CRIM1: variants seen among roughly 807,000 people sequenced by gnomAD.
CRIM1 encodes the protein cysteine-rich motor neuron 1 protein.
In CRIM1, 32 loss-of-function variants were observed where a neutral mutation model predicts 116.4. That is an observed-to-expected ratio of 0.27 (90% CI 0.21 to 0.37). The LOEUF is 0.37. Among genes scored for constraint, CRIM1 ranks in the 10% least tolerant of loss-of-function variants. The probability of loss-of-function intolerance (pLI) is 1.00; values close to 1 mark genes in which losing one functional copy is unlikely to be tolerated. For missense variants in CRIM1, 1,331 were observed against 1,354.8 expected, an observed-to-expected ratio of 0.98 and a Z score of 0.28; for synonymous variants, 590 against 509.2, an observed-to-expected ratio of 1.16 and a Z score of -2.13.
At chr2:36,476,238 T>G (rs1678965008) in intron 5 of CRIM1, among the ~76,000 whole-genome samples, 1 of 152,182 alleles carries the variant, frequency 6.6e-6, no homozygotes, top group Non-Finnish European at 1.5e-5. Context: ...AGCTACTGTT[T>G]TGGCTTCTGT....
At chr2:36,544,327 C>T (rs1293364345) in intron 14 of CRIM1, 49 bp from the exon 15 acceptor site, 1 of 1,315,274 alleles carries the variant, frequency 7.6e-7, no homozygotes, top group East Asian at 2.8e-5. Context: ...CAAAAGCCAA[C>T]AATACAGCAG....
intron 2 of CRIM1, among the ~76,000 whole-genome samples, chr2:36,413,692 T>C (rs903850389): frequency 6.6e-6 from 1 of 152,240 alleles, no homozygotes; most frequent in Non-Finnish European, 1.5e-5. Context: ...TTTGAGCTCA[T>C]TGGCTTAGTC....
At chr2:36,390,660 A>G (rs980584729) in intron 1 of CRIM1, among the ~76,000 whole-genome samples, 2 of 151,974 alleles carry the variant, frequency 1.3e-5, no homozygotes, top group African/African-American at 2.4e-5. Context: ...CAGTTTCCCC[A>G]GATAGTTTAA....
At position 36,544,483 on chromosome 2, in the gene CRIM1, G is replaced by A. The variant is rs745498198; in HGVS notation, c.2731G>A (p.Val911Ile). The change falls in exon 15 of 17, where the codon GTC (valine) becomes ATC (isoleucine). Residue 911 changes from valine (V) to isoleucine (I), a missense_variant. Val to Ile is a conservative substitution (Grantham distance 29, BLOSUM62 3). Transcript: ENST00000280527. ...GCCCACGCCTAGTGAAAATGATATC[G>A]TCCATCTCCCTAGAGGTAAGCATTG... ...LWPTPSENDI[V>I]HLPRDMGHLQ... 11 of 1,375,562 alleles carry A rather than the reference G, an allele frequency of 8.0e-6. No individual in the cohort carries two copies. Among genetic ancestry groups the A allele is most frequent in the East Asian group, 2.7e-5 (1 of 36,632 alleles). 85.2% of individuals were successfully genotyped at this position (1,375,562 alleles called of 1,614,324 possible). A position where few individuals can be genotyped will look rare whatever the true frequency, so the allele number is the denominator to read the frequency against.
At chr2:36,399,708 G>C (rs559546073) in intron 2 of CRIM1, among the ~76,000 whole-genome samples, 18 of 152,290 alleles carry the variant, frequency 1.2e-4, no homozygotes, top group African/African-American at 4.1e-4. Context: ...TAGTAAGAAG[G>C]AAAAGCCAAT....
chr2:36,451,065 G>T (rs576326457), intron 4 of CRIM1, among the ~76,000 whole-genome samples: 1 of 152,294 alleles, frequency 6.6e-6, no homozygotes, highest in South Asian at 2.1e-4. Flanking sequence ...TAGCTACAGT[G>T]AGTGAAAACA....
At chr2:36,430,931 T>A (rs1160958944) in intron 2 of CRIM1, among the ~76,000 whole-genome samples, 3 of 152,226 alleles carry the variant, frequency 2.0e-5, no homozygotes, top group Non-Finnish European at 4.4e-5. Flanking sequence ...GAGAACAGTC[T>A]CCAGGAGAAA....
chr2:36,537,784 C>T (rs1382719813), intron 14 of CRIM1, among the ~76,000 whole-genome samples: 1 of 152,206 alleles, frequency 6.6e-6, no homozygotes, highest in East Asian at 1.9e-4. Flanking sequence ...TTCTCATTTG[C>T]ATTCTCTAAA....
At chr2:36,439,715 C>T (rs1247459885) in intron 2 of CRIM1, among the ~76,000 whole-genome samples, 1 of 152,188 alleles carries the variant, frequency 6.6e-6, no homozygotes, top group Non-Finnish European at 1.5e-5. Context: ...CATCCATTCT[C>T]ACCACATTGT....
At chr2:36,414,732 G>C (rs890731468) in intron 2 of CRIM1, among the ~76,000 whole-genome samples, 1 of 152,210 alleles carries the variant, frequency 6.6e-6, no homozygotes, top group African/African-American at 2.4e-5. Context: ...ATGGGAGAAA[G>C]AGTTTTGTGT....
At chr2:36,397,175 G>C (rs1340372360) in intron 2 of CRIM1, among the ~76,000 whole-genome samples, 1 of 152,166 alleles carries the variant, frequency 6.6e-6, no homozygotes, top group African/African-American at 2.4e-5. Flanking sequence ...GCATGAAAGA[G>C]TTATCTCTTT....
intron 14 of CRIM1, among the ~76,000 whole-genome samples, chr2:36,542,995 G>A (rs1401541823): frequency 6.6e-6 from 1 of 152,176 alleles, no homozygotes; most frequent in East Asian, 1.9e-4. Flanking sequence ...AAATGGTAAT[G>A]TTTTCAGTAA....
intron 2 of CRIM1, among the ~76,000 whole-genome samples, chr2:36,419,156 A>T (rs1224032470): frequency 6.6e-6 from 1 of 152,234 alleles, no homozygotes; most frequent in Non-Finnish European, 1.5e-5. Context: ...CCTATTCAAG[A>T]GGGAGGTGTC....
rs556281219 is a variant in CRIM1 at position 36,487,724 on chromosome 2, A to C, written c.1372+8030A>C. On this transcript the variant is annotated intron_variant, in intron 7 of 16. Transcript: ENST00000280527. Reference sequence around the variant, plus strand: ...ATTTTAACATGAACAGCATTTTGGCATAAGAATATAGCCTCTAAAAGTGAG... The same window carrying C: ...ATTTTAACATGAACAGCATTTTGGCCTAAGAATATAGCCTCTAAAAGTGAG... Among the ~76,000 whole-genome samples, 49 of 152,322 alleles carry C rather than the reference A, an allele frequency of 3.2e-4. 1 individual carries two copies. In the South Asian group the frequency reaches 0.01, roughly 32 times the overall value.
rs1667693360 is a variant in CRIM1, at chr2:36,550,517, C to G, written c.*1816C>G. 6.6e-6 allele frequency: 1 copy of G among 152,304 alleles called. No homozygotes were observed. Among genetic ancestry groups the G allele is most frequent in the Non-Finnish European group, 1.5e-5 (1 of 67,984 alleles). The allele number at this position is 152,304 out of a possible 1,614,324, so 9.4% of individuals were successfully genotyped here. On this transcript the variant is annotated 3_prime_UTR_variant, in exon 17 of 17. Transcript: ENST00000280527. ...GAACTTTCAAGTATTGTTGTAAATA[C>G]TTGGACAGAGGTTGCTGAACTTTAA... is the stretch of plus-strand genomic sequence containing the variant.
At chr2:36,436,139 A>G (rs1349062986) in intron 2 of CRIM1, among the ~76,000 whole-genome samples, 1 of 152,164 alleles carries the variant, frequency 6.6e-6, no homozygotes, top group Non-Finnish European at 1.5e-5. Flanking sequence ...TGGAAAAAAC[A>G]TAGAATAGAG....
chr2:36,461,133 G>C (rs978131437), intron 4 of CRIM1, among the ~76,000 whole-genome samples: 71 of 152,182 alleles, frequency 4.7e-4, no homozygotes, highest in African/African-American at 1.7e-3. Context: ...TTTGACTGCA[G>C]AAGTTTGGGA....
intron 2 of CRIM1, among the ~76,000 whole-genome samples, chr2:36,400,218 T>C (rs1167913931): frequency 1.3e-5 from 2 of 152,076 alleles, no homozygotes; most frequent in African/African-American, 2.4e-5. Flanking sequence ...CTAGTGGGAT[T>C]GAAGAATTAA....
At chr2:36,507,833 T>G (rs1681538707) in intron 8 of CRIM1, among the ~76,000 whole-genome samples, 1 of 152,200 alleles carries the variant, frequency 6.6e-6, no homozygotes, top group South Asian at 2.1e-4. Flanking sequence ...CCTTCTTTAT[T>G]GCAGGACCAG....
Sources: allele counts gnomAD v4.1 joint callset (sites outside exome capture counted in the v4.1 genomes callset), GRCh38; gene constraint gnomAD v4.1.1; transcripts MANE v1.5; gene names NCBI Gene and HGNC (gene_info 2026-07-23, HGNC 2026-07-21).